Variants in EPHA6 observed in about 807,000 individuals in gnomAD.
EPHA6 encodes ephrin type-A receptor 6.
A neutral mutation model predicts 112.0 loss-of-function variants in EPHA6; 50 were observed. The ratio of observed to expected loss-of-function variants is 0.45; its 90% confidence interval spans 0.36 to 0.56. EPHA6 has a LOEUF of 0.56. EPHA6 is among the 20% of genes least tolerant of loss of function. The probability of loss-of-function intolerance (pLI) is 0.00; values close to 1 mark genes in which losing one functional copy is unlikely to be tolerated. For missense variants in EPHA6, 1,280 were observed against 1,417.4 expected (o/e 0.90, Z 1.56); for synonymous variants, 529 against 490.7 (o/e 1.08, Z -1.03).
At chr3:96,942,204 C>CT (rs2040998941) in intron 2 of EPHA6, among the ~76,000 whole-genome samples, 1 of 152,196 alleles carries the variant, frequency 6.6e-6, no homozygotes, top group African/African-American at 2.4e-5. Flanking sequence ...CTGTGCCCTG[C>CT]CCCCAGAGGT....
At position 97,554,226 on chromosome 3, in the gene EPHA6, G is replaced by A. The variant is rs538411016; in HGVS notation, c.2386+21683G>A. Among the ~76,000 whole-genome samples, 15 of 152,088 alleles carry A rather than the reference G, an allele frequency of 9.9e-5. 1 individual carries two copies. The South Asian group carries it at 2.9e-3, about 29-fold the overall frequency. On this transcript the variant is annotated intron_variant, in intron 11 of 17. Transcript: ENST00000389672. ...AGTGAAAATACATCATAAACCTGCT[G>A]TTAAAATTATTATTAAAGGTAAAAT...
chr3:97,639,109 T>C (rs1239706544), intron 14 of EPHA6, among the ~76,000 whole-genome samples: 2 of 152,114 alleles, frequency 1.3e-5, no homozygotes, highest in East Asian at 3.9e-4. Context: ...ATCAATGATA[T>C]TTTTCACAGT....
At chr3:97,534,385 G>A (rs1428603999) in intron 11 of EPHA6, among the ~76,000 whole-genome samples, 2 of 151,658 alleles carry the variant, frequency 1.3e-5, no homozygotes, top group East Asian at 3.9e-4. Context: ...ACCCACATAA[G>A]GACCTTTAAC....
intron 11 of EPHA6, among the ~76,000 whole-genome samples, chr3:97,574,484 GA>G (rs1315666993): frequency 1.3e-5 from 2 of 152,088 alleles, no homozygotes; most frequent in Admixed American, 1.3e-4. Flanking sequence ...ATGTGAAAGG[GA>G]AAAGGCTTAT....
intron 5 of EPHA6, among the ~76,000 whole-genome samples, chr3:97,293,196 C>T (rs1183191158): frequency 6.6e-6 from 1 of 152,166 alleles, no homozygotes; most frequent in Non-Finnish European, 1.5e-5. Context: ...AGAGGAGACC[C>T]GTGATAGGTA....
At chr3:97,279,219 T>C (rs1253273143) in intron 5 of EPHA6, among the ~76,000 whole-genome samples, 1 of 152,126 alleles carries the variant, frequency 6.6e-6, no homozygotes, top group African/African-American at 2.4e-5. Flanking sequence ...TGATATTTGT[T>C]TGGAAAGAGA....
rs984487605 is a variant in EPHA6 at position 96,828,720 on chromosome 3, C to G, written c.385+13712C>G. Among the ~76,000 whole-genome samples the G allele has an allele frequency of 2.6e-5, 4 of 152,144 alleles. No individual in the cohort carries two copies. The East Asian group carries it at 7.7e-4, about 29-fold the overall frequency. On this transcript the variant is annotated intron_variant, in intron 1 of 17. Coordinates refer to ENST00000389672, the MANE Select transcript of EPHA6 (RefSeq NM_001080448.3). ...TCTCCATTTTCCTGGATGATCAACACTGTTCCATTCCCAACACCTCCACAG... is the reference window on the plus strand; with the variant it reads ...TCTCCATTTTCCTGGATGATCAACAGTGTTCCATTCCCAACACCTCCACAG...
chr3:97,455,974 T>A lies in EPHA6; in HGVS notation c.1894+7244T>A, dbSNP rs1387818812. 2.0e-5 allele frequency among the ~76,000 whole-genome samples: 3 copies of A among 152,014 alleles called. No homozygotes were observed. The East Asian group carries it at 5.8e-4, about 29-fold the overall frequency. ...ACCTTAATATGAAAAATATTAAAGA[T>A]CATAACTTTGCTAAATGGGCTGGAA... is the stretch of plus-strand genomic sequence containing the variant. On this transcript the variant is annotated intron_variant, in intron 7 of 17. Transcript: ENST00000389672.
chr3:97,199,903 G>A (rs542274843), intron 3 of EPHA6, among the ~76,000 whole-genome samples: 4 of 152,034 alleles, frequency 2.6e-5, no homozygotes, highest in African/African-American at 9.7e-5. Flanking sequence ...CTTTAATAGA[G>A]TTTCATTAAT....
At chr3:97,067,365 G>T (rs762472350) in intron 3 of EPHA6, among the ~76,000 whole-genome samples, 9 of 152,026 alleles carry the variant, frequency 5.9e-5, no homozygotes, top group Non-Finnish European at 1.3e-4. Context: ...TTAGGAGAGG[G>T]AAACTAGTAT....
chr3:97,122,266 C>T (rs1010984748), intron 3 of EPHA6, among the ~76,000 whole-genome samples: 4 of 152,054 alleles, frequency 2.6e-5, no homozygotes, highest in South Asian at 2.1e-4. Context: ...TATCAACAAT[C>T]GTTGTGCTTG....
chr3:96,976,512 A>T (rs1559637178), intron 2 of EPHA6, among the ~76,000 whole-genome samples: 1 of 152,214 alleles, frequency 6.6e-6, no homozygotes, highest in Non-Finnish European at 1.5e-5. Flanking sequence ...AGGCTTTTAA[A>T]GTAAATGTTT....
At chr3:97,583,764 T>G (rs1290910497) in intron 11 of EPHA6, among the ~76,000 whole-genome samples, 1 of 152,146 alleles carries the variant, frequency 6.6e-6, no homozygotes, top group Non-Finnish European at 1.5e-5. Flanking sequence ...AGCAAGTTAC[T>G]TTGTGGATAT....
intron 2 of EPHA6, among the ~76,000 whole-genome samples, chr3:96,979,585 T>C (rs1314716176): frequency 3.9e-5 from 6 of 152,152 alleles, no homozygotes; most frequent in Non-Finnish European, 7.4e-5. Flanking sequence ...ATGGCTGGGT[T>C]AAATGGTATT....
chr3:97,080,001 C>A (rs897902191), intron 3 of EPHA6, among the ~76,000 whole-genome samples: 2 of 151,210 alleles, frequency 1.3e-5, no homozygotes, highest in Non-Finnish European at 2.9e-5. Context: ...GTAAACATAA[C>A]GTTAATATGC....
At chr3:97,682,419 G>A (rs1228041807) in intron 14 of EPHA6, among the ~76,000 whole-genome samples, 2 of 152,074 alleles carry the variant, frequency 1.3e-5, no homozygotes, top group African/African-American at 2.4e-5. Flanking sequence ...AGAATTGTTA[G>A]TATTGACAAC....
At chr3:97,287,008 A>AAAAAAGGATTG (rs1306922070) in intron 5 of EPHA6, among the ~76,000 whole-genome samples, 1 of 152,026 alleles carries the variant, frequency 6.6e-6, no homozygotes, top group Non-Finnish European at 1.5e-5. Context: ...TGTTAAAAAA[A>AAAAAAGGATTG]AAAAAGGATT....
intron 5 of EPHA6, among the ~76,000 whole-genome samples, chr3:97,293,394 G>A (rs1206448530): frequency 6.6e-6 from 1 of 150,802 alleles, no homozygotes; most frequent in African/African-American, 2.4e-5. Context: ...CAGCAAAGAG[G>A]ACACTCATGA....
chr3:96,885,011 T>A (rs1481700759), intron 2 of EPHA6, among the ~76,000 whole-genome samples: 1 of 152,232 alleles, frequency 6.6e-6, no homozygotes, highest in African/African-American at 2.4e-5. Flanking sequence ...ATTCTGTTTA[T>A]GTGGTGTATC....
Sources: gnomAD v4.1 joint callset for allele counts (sites outside exome capture counted in the v4.1 genomes callset) on GRCh38, gnomAD v4.1.1 for gene constraint, MANE v1.5 for transcripts, NCBI Gene and HGNC (gene_info 2026-07-23, HGNC 2026-07-21) for gene names.